Variants in TMPRSS2 observed in about 807,000 individuals in gnomAD.
TMPRSS2 encodes transmembrane serine protease 2.
TMPRSS2 carries 59 observed loss-of-function variants against 67.4 expected under a neutral mutation model. The ratio of observed to expected loss-of-function variants is 0.88; its 90% confidence interval spans 0.71 to 1.09. TMPRSS2 has a LOEUF of 1.09. Among genes scored for constraint, TMPRSS2 ranks in the 50% least tolerant of loss-of-function variants. The pLI, the probability that TMPRSS2 is intolerant of heterozygous loss-of-function variation, is 0.00. For missense variants in TMPRSS2, 668 were observed against 642.7 expected (o/e 1.04, Z -0.43); for synonymous variants, 257 against 257.0 (o/e 1.00, Z 0.00).
intron 1 of TMPRSS2, among the ~76,000 whole-genome samples, chr21:41,499,935 T>G (rs2091412585): frequency 6.6e-6 from 1 of 152,168 alleles, no homozygotes; most frequent in Non-Finnish European, 1.5e-5. Context: ...AAGACCATGT[T>G]CCCAATGAGG....
At chr21:41,494,258 G>A in intron 3 of TMPRSS2, 98 bp downstream of exon 3, 1 of 1,254,384 alleles carries the variant, frequency 8.0e-7, no homozygotes, top group Admixed American at 2.3e-5. Context: ...CAGACCAGGA[G>A]AGGTGGCGAC....
At chr21:41,500,548 T>TA (rs1437282024) in intron 1 of TMPRSS2, among the ~76,000 whole-genome samples, 2 of 152,210 alleles carry the variant, frequency 1.3e-5, no homozygotes, top group Non-Finnish European at 2.9e-5. Context: ...AAAATGAGTA[T>TA]ATGGCTTTTT....
chr21:41,492,218 C>CAA (rs34769294), intron 3 of TMPRSS2, among the ~76,000 whole-genome samples: 20 of 151,690 alleles, frequency 1.3e-4, no homozygotes, highest in Non-Finnish European at 2.1e-4. Flanking sequence ...AAACAAACAA[C>CAA]AAAAAAAACC....
intron 5 of TMPRSS2, among the ~76,000 whole-genome samples, chr21:41,482,490 G>A (rs1261068922): frequency 6.6e-6 from 1 of 152,226 alleles, no homozygotes; most frequent in Non-Finnish European, 1.5e-5. Context: ...AATGCTGTGT[G>A]GTTTGGGAGA....
intron 9 of TMPRSS2, among the ~76,000 whole-genome samples, chr21:41,472,831 T>C (rs535019926): frequency 6.6e-6 from 1 of 151,734 alleles, no homozygotes; most frequent in African/African-American, 2.4e-5. Flanking sequence ...GGGGAGGGGG[T>C]GGTAGCGTCC....
At chr21:41,471,022 T>C (rs456016) in intron 10 of TMPRSS2, among the ~76,000 whole-genome samples, 145,459 of 152,362 alleles carry the variant, frequency 0.95, 70,007 homozygotes, top group Non-Finnish European at 0.99. Context: ...CTCCAGGTGA[T>C]CAAGACGGGA....
chr21:41,500,825 G>A (rs2091419019), intron 1 of TMPRSS2, among the ~76,000 whole-genome samples: 1 of 152,218 alleles, frequency 6.6e-6, no homozygotes, highest in Non-Finnish European at 1.5e-5. Context: ...TCTGCTTTGT[G>A]AAGAGAGAGG....
chr21:41,480,918 G>A (rs967973018), intron 5 of TMPRSS2, among the ~76,000 whole-genome samples: 10 of 152,188 alleles, frequency 6.6e-5, no homozygotes, highest in South Asian at 2.1e-4. Context: ...AATTACAGGC[G>A]TGAGCCATTG....
intron 5 of TMPRSS2, among the ~76,000 whole-genome samples, chr21:41,481,213 G>GA (rs2091254922): frequency 6.6e-6 from 1 of 152,166 alleles, no homozygotes; most frequent in Admixed American, 6.5e-5. Context: ...AGCAGAATAG[G>GA]ATATGTCCAA....
intron 3 of TMPRSS2, among the ~76,000 whole-genome samples, chr21:41,492,109 C>T (rs992987502): frequency 5.9e-5 from 9 of 152,360 alleles, no homozygotes; most frequent in African/African-American, 2.2e-4. Flanking sequence ...AGGAGAATCG[C>T]TTGAACCTGA....
In TMPRSS2 at chr21:41,489,426, A is replaced by G. The variant is rs2091320032; in HGVS notation, c.325+81T>C. On this transcript the variant is annotated intron_variant, in intron 4 of 13. Coordinates refer to ENST00000332149, the MANE Select transcript of TMPRSS2 (RefSeq NM_005656.4). ...CTCACGGAGGGCCTCCAGAGGTCTC[A>G]ATAGCCCAGAGAGCAGGGTCTGGCT... 3 of 1,226,924 alleles carry G rather than the reference A, an allele frequency of 2.4e-6. No homozygotes were observed. In the Admixed American group the frequency reaches 6.2e-5, roughly 25 times the overall value. The allele number at this position is 1,226,924 out of a possible 1,614,324, so 76.0% of individuals were successfully genotyped here. A position where few individuals can be genotyped will look rare whatever the true frequency, so the allele number is the denominator to read the frequency against.
At chr21:41,489,968 T>C (rs1020996735) in intron 3 of TMPRSS2, among the ~76,000 whole-genome samples, 1 of 151,944 alleles carries the variant, frequency 6.6e-6, no homozygotes, top group Non-Finnish European at 1.5e-5. Flanking sequence ...GCCAACATGG[T>C]GAAACCTCGT....
chr21:41,487,295 G>C (rs365724), intron 5 of TMPRSS2: 96,240 of 152,038 alleles, frequency 0.63, 31,491 homozygotes, highest in Middle Eastern at 0.74. Context: ...CACAGAGACA[G>C]AAACACTGCA....
At chr21:41,479,319 G>C in intron 6 of TMPRSS2, 37 bp from the exon 7 acceptor site, 1 of 1,502,148 alleles carries the variant, frequency 6.7e-7, no homozygotes, top group Non-Finnish European at 9.2e-7. Flanking sequence ...AATGGTTAAG[G>C]CATAAGCAAA....
intron 5 of TMPRSS2, among the ~76,000 whole-genome samples, chr21:41,484,608 T>C (rs2091281527): frequency 6.6e-6 from 1 of 152,222 alleles, no homozygotes; most frequent in Non-Finnish European, 1.5e-5. Flanking sequence ...GTTTGTCTGT[T>C]TCCTTTTATA....
chr21:41,494,669 C>A, intron 2 of TMPRSS2, 91 bp from the exon 3 acceptor site: 1 of 1,148,396 alleles, frequency 8.7e-7, no homozygotes, highest in Non-Finnish European at 1.3e-6. Flanking sequence ...ACAGCTATAC[C>A]AATGATCTTT....
intron 2 of TMPRSS2, among the ~76,000 whole-genome samples, chr21:41,497,032 G>A (rs2091388668): frequency 6.6e-6 from 1 of 151,524 alleles, no homozygotes; most frequent in African/African-American, 2.4e-5. Context: ...GTAGAGACGG[G>A]GTTTCTCCAT....
intron 5 of TMPRSS2, chr21:41,487,516 G>C (rs1254504434): frequency 6.6e-6 from 1 of 152,148 alleles, no homozygotes; most frequent in Non-Finnish European, 1.5e-5. Flanking sequence ...TTGCATATTT[G>C]AAAATCACTA....
rs532216261 is a variant in TMPRSS2, at chr21:41,467,536, T to C, written c.1467+198A>G. Among the ~76,000 whole-genome samples the C allele has an allele frequency of 3.9e-5, 6 of 152,136 alleles. No individual in the cohort carries two copies. In the East Asian group the frequency reaches 1.2e-3, roughly 29 times the overall value. ...TTTCATCCAAACACCAGGGGAAATA[T>C]GCAAGTGAAGCCAGTGAGAGGCAAT... is the stretch of plus-strand genomic sequence containing the variant. On this transcript the variant is annotated intron_variant, in intron 13 of 13. Coordinates refer to ENST00000332149, the MANE Select transcript of TMPRSS2 (RefSeq NM_005656.4).
Sources: allele counts gnomAD v4.1 joint callset (sites outside exome capture counted in the v4.1 genomes callset), GRCh38; gene constraint gnomAD v4.1.1; transcripts MANE v1.5; gene names NCBI Gene and HGNC (gene_info 2026-07-23, HGNC 2026-07-21).